Variants in CAMKMT observed in about 807,000 individuals in gnomAD.
The protein encoded by CAMKMT is calmodulin-lysine N-methyltransferase.
CAMKMT carries 53 observed loss-of-function variants against 48.0 expected under a neutral mutation model. That is an observed-to-expected ratio of 1.10 (90% CI 0.89 to 1.39). The LOEUF is 1.39. CAMKMT is among the 40% of genes most tolerant of loss of function. CAMKMT has a pLI of 0.00. For missense variants in CAMKMT, 428 were observed against 402.7 expected (o/e 1.06, Z -0.54); for synonymous variants, 165 against 152.3 (o/e 1.08, Z -0.61).
At chr2:44,376,225 A>G (rs950619305) in intron 2 of CAMKMT, among the ~76,000 whole-genome samples, 48 of 152,008 alleles carry the variant, frequency 3.2e-4, no homozygotes, top group Non-Finnish European at 6.2e-4. Flanking sequence ...AGCCTGGCCA[A>G]CATGCTGAAA....
At position 44,544,435 on chromosome 2, in the gene CAMKMT, T is replaced by C. The variant is rs1667285777; in HGVS notation, c.376+154130T>C. 2.6e-5 allele frequency among the ~76,000 whole-genome samples: 4 copies of C among 152,200 alleles called. 1 individual carries two copies. The South Asian group carries it at 8.3e-4, about 32-fold the overall frequency. On this transcript the variant is annotated intron_variant, in intron 3 of 10. Coordinates refer to ENST00000378494, the MANE Select transcript of CAMKMT (RefSeq NM_024766.5). ...ATACAGTGTTAATTAAGCCAGGCCATTGTCTTTAAAGTGGAGTCAGTACAT... is the reference window on the plus strand; with the variant it reads ...ATACAGTGTTAATTAAGCCAGGCCACTGTCTTTAAAGTGGAGTCAGTACAT...
intron 3 of CAMKMT, among the ~76,000 whole-genome samples, chr2:44,497,709 A>AAGAGAGAGAGAGAGAGAGAG (rs70937918): frequency 2.1e-3 from 298 of 138,938 alleles, no homozygotes; most frequent in Admixed American, 3.3e-3. Flanking sequence ...TAAGCAGGCA[A>AAGAGAGAGAGAGAGAGAGAG]AGAGAGAGAG....
At chr2:44,363,908 C>G (rs917603383) in intron 1 of CAMKMT, among the ~76,000 whole-genome samples, 1 of 151,678 alleles carries the variant, frequency 6.6e-6, no homozygotes, top group African/African-American at 2.4e-5. Context: ...CCAGGCTGGT[C>G]TCAAACTCCT....
chr2:44,441,722 T>C (rs1666675948), intron 3 of CAMKMT, among the ~76,000 whole-genome samples: 1 of 152,218 alleles, frequency 6.6e-6, no homozygotes, highest in African/African-American at 2.4e-5. Flanking sequence ...TAGGTATGTA[T>C]TCTCCTTATA....
chr2:44,517,108 T>C (rs151070788), intron 3 of CAMKMT, among the ~76,000 whole-genome samples: 10 of 152,280 alleles, frequency 6.6e-5, no homozygotes, highest in Non-Finnish European at 1.3e-4. Context: ...TAAATGTGCA[T>C]AAGTGTTTGT....
At chr2:44,408,384 C>T (rs896430318) in intron 3 of CAMKMT, among the ~76,000 whole-genome samples, 7 of 152,018 alleles carry the variant, frequency 4.6e-5, no homozygotes, top group Admixed American at 3.3e-4. Context: ...AAGATAATGA[C>T]AATAACAGTA....
At chr2:44,487,389 G>A (rs1669264444) in intron 3 of CAMKMT, among the ~76,000 whole-genome samples, 1 of 152,102 alleles carries the variant, frequency 6.6e-6, no homozygotes, top group Admixed American at 6.5e-5. Flanking sequence ...TTTAGTATTT[G>A]TTTATTATAT....
intron 3 of CAMKMT, among the ~76,000 whole-genome samples, chr2:44,500,811 A>T (rs1669971622): frequency 6.6e-6 from 1 of 151,330 alleles, no homozygotes; most frequent in South Asian, 2.1e-4. Context: ...CCTCCTGAGT[A>T]GCTGGGATTA....
chr2:44,408,276 G>A (rs1682923278), intron 3 of CAMKMT, among the ~76,000 whole-genome samples: 1 of 151,724 alleles, frequency 6.6e-6, no homozygotes. Flanking sequence ...CACCCACCTC[G>A]GCCTCCCAAA....
intron 2 of CAMKMT, among the ~76,000 whole-genome samples, chr2:44,385,119 ATGTGTTTCCAAT>A (rs1680654919): frequency 6.6e-6 from 1 of 151,844 alleles, no homozygotes; most frequent in Non-Finnish European, 1.5e-5. Flanking sequence ...TGAGCATGGG[ATGTGTTTCCAAT>A]TGTTTGTGTC....
intron 7 of CAMKMT, among the ~76,000 whole-genome samples, chr2:44,721,958 G>A (rs1247487838): frequency 6.6e-6 from 1 of 152,114 alleles, no homozygotes; most frequent in Non-Finnish European, 1.5e-5. Flanking sequence ...CTGTTGCTAT[G>A]CCTTTGCTTA....
Position 44,760,122 on chromosome 2 carries a change from A to G in CAMKMT, c.762+6004A>G, listed in dbSNP as rs1356041434. ...GTTTAGCAGGACAGATGAACACATG[A>G]ACTCCCAGGAATTACAGTGCAATAT... On this transcript the variant is annotated intron_variant, in intron 9 of 10. Coordinates refer to ENST00000378494, the MANE Select transcript of CAMKMT (RefSeq NM_024766.5). 2.0e-5 allele frequency among the ~76,000 whole-genome samples: 3 copies of G among 152,164 alleles called. No individual in the cohort carries two copies. The East Asian group carries it at 5.8e-4, about 29-fold the overall frequency.
At chr2:44,585,426 C>T (rs1207503662) in intron 3 of CAMKMT, among the ~76,000 whole-genome samples, 2 of 152,182 alleles carry the variant, frequency 1.3e-5, no homozygotes, top group African/African-American at 4.8e-5. Context: ...GTAGGCCAGA[C>T]CATATTCCTG....
At chr2:44,672,271 C>T (rs779769813) in intron 3 of CAMKMT, among the ~76,000 whole-genome samples, 7 of 152,148 alleles carry the variant, frequency 4.6e-5, no homozygotes, top group Non-Finnish European at 1.0e-4. Context: ...CATACTTACT[C>T]GGGAAGAGTG....
intron 3 of CAMKMT, among the ~76,000 whole-genome samples, chr2:44,401,429 C>T (rs1036941278): frequency 4.0e-5 from 6 of 151,874 alleles, no homozygotes; most frequent in South Asian, 4.2e-4. Flanking sequence ...TGGTGGCGGA[C>T]GCCTGTAGTC....
chr2:44,399,112 A>G (rs1447732055), intron 3 of CAMKMT, among the ~76,000 whole-genome samples: 2 of 152,164 alleles, frequency 1.3e-5, no homozygotes, highest in Non-Finnish European at 2.9e-5. Context: ...TTGTCCTGGT[A>G]TACTGGATCA....
chr2:44,628,064 A>G (rs1326697054), intron 3 of CAMKMT, among the ~76,000 whole-genome samples: 1 of 151,944 alleles, frequency 6.6e-6, no homozygotes. Flanking sequence ...TTTCAGTCCC[A>G]ACAGTGCAAG....
At chr2:44,410,283 G>A (rs1229859552) in intron 3 of CAMKMT, among the ~76,000 whole-genome samples, 1 of 14,022 alleles carries the variant, frequency 7.1e-5, no homozygotes, top group Non-Finnish European at 1.5e-4. Context: ...TTGAGACGGA[G>A]TCTTGCTCTG....
At chr2:44,445,668 T>C (rs1415502125) in intron 3 of CAMKMT, among the ~76,000 whole-genome samples, 1 of 22,774 alleles carries the variant, frequency 4.4e-5, no homozygotes, top group Non-Finnish European at 1.3e-4. Context: ...TTTTTTTTTT[T>C]TTTTTTTTTT....
Sources: gnomAD v4.1 joint callset for allele counts (sites outside exome capture counted in the v4.1 genomes callset) on GRCh38, gnomAD v4.1.1 for gene constraint, MANE v1.5 for transcripts, NCBI Gene and HGNC (gene_info 2026-07-23, HGNC 2026-07-21) for gene names.